The following GRIP1 variants were observed in gnomAD, a reference collection of about 807,000 sequenced individuals.
GRIP1 encodes glutamate receptor-interacting protein 1.
In GRIP1, 45 loss-of-function variants were observed where a neutral mutation model predicts 129.9. The ratio of observed to expected loss-of-function variants is 0.35; its 90% confidence interval spans 0.27 to 0.44. The LOEUF is 0.44. Ranked by LOEUF, GRIP1 falls within the 20% of genes least tolerant of loss-of-function variation. The pLI, the probability that GRIP1 is intolerant of heterozygous loss-of-function variation, is 1.00. For missense variants in GRIP1, 1,196 were observed against 1,396.8 expected (o/e 0.86, Z 2.29); for synonymous variants, 530 against 520.8 (o/e 1.02, Z -0.24).
intron 14 of GRIP1, among the ~76,000 whole-genome samples, chr12:66,428,535 T>C (rs1436865976): frequency 2.6e-5 from 4 of 152,088 alleles, no homozygotes; most frequent in African/African-American, 7.2e-5. Flanking sequence ...TGATATAGGA[T>C]ATAGGGAGTT....
intron 1 of GRIP1, among the ~76,000 whole-genome samples, chr12:66,979,240 A>C (rs796411741): frequency 3.4e-5 from 5 of 146,364 alleles, no homozygotes; most frequent in East Asian, 1.9e-4. Flanking sequence ...AAAAAAAAAA[A>C]AAAAAAAAAA....
intron 2 of GRIP1, among the ~76,000 whole-genome samples, chr12:66,555,888 A>G (rs1299794015): frequency 1.3e-5 from 2 of 151,654 alleles, no homozygotes; most frequent in Non-Finnish European, 2.9e-5. Context: ...AGAAAAAAGA[A>G]TGAAAAAGGA....
At chr12:66,774,085 G>A (rs1283892770) in intron 1 of GRIP1, among the ~76,000 whole-genome samples, 1 of 152,064 alleles carries the variant, frequency 6.6e-6, no homozygotes, top group South Asian at 2.1e-4. Flanking sequence ...ATTTGACAAT[G>A]AATTCAATGA....
intron 1 of GRIP1, among the ~76,000 whole-genome samples, chr12:67,044,181 A>AG (rs2043220023): frequency 6.6e-6 from 1 of 152,200 alleles, no homozygotes; most frequent in Admixed American, 6.5e-5. Flanking sequence ...GCTCATTCCC[A>AG]GGGGGATATA....
chr12:66,384,226 T>C (rs1287526260), intron 19 of GRIP1, among the ~76,000 whole-genome samples: 3 of 152,164 alleles, frequency 2.0e-5, no homozygotes, highest in African/African-American at 4.8e-5. Context: ...GGGTTGAGGG[T>C]AGGAAAATAA....
At chr12:66,626,599 TA>T (rs2030082147) in intron 1 of GRIP1, 1 of 152,246 alleles carries the variant, frequency 6.6e-6, no homozygotes, top group Admixed American at 6.5e-5. Context: ...TTTGCCCTGA[TA>T]AATGTGCTCT....
At chr12:66,946,202 C>T (rs144601466) in intron 1 of GRIP1, among the ~76,000 whole-genome samples, 11 of 152,186 alleles carry the variant, frequency 7.2e-5, no homozygotes, top group Non-Finnish European at 1.5e-4. Flanking sequence ...GCTCTTCTTT[C>T]CCCACTCCAC....
At chr12:66,977,627 C>T (rs2137604489) in intron 1 of GRIP1, among the ~76,000 whole-genome samples, 1 of 152,080 alleles carries the variant, frequency 6.6e-6, no homozygotes, top group Non-Finnish European at 1.5e-5. Context: ...TAGTTTTGCC[C>T]ATTTTTAAGT....
At chr12:66,469,641 A>G (rs1301086050) in intron 7 of GRIP1, among the ~76,000 whole-genome samples, 1 of 151,968 alleles carries the variant, frequency 6.6e-6, no homozygotes, top group Non-Finnish European at 1.5e-5. Context: ...AACTAACCAG[A>G]AAAAAAATGA....
intron 1 of GRIP1, among the ~76,000 whole-genome samples, chr12:66,973,372 T>C (rs900154068): frequency 1.6e-5 from 2 of 124,220 alleles, no homozygotes; most frequent in Non-Finnish European, 3.4e-5. Context: ...TTTTTCCTTT[T>C]TCATTCTTTT....
chr12:66,446,104 A>ACCCCGCCCC (rs2058621628), intron 11 of GRIP1, among the ~76,000 whole-genome samples: 6 of 63,482 alleles, frequency 9.5e-5, no homozygotes, highest in East Asian at 5.9e-4. Context: ...GCCGCCCCCC[A>ACCCCGCCCC]CCACCACCCC....
intron 2 of GRIP1, among the ~76,000 whole-genome samples, chr12:66,554,617 C>A (rs2062257625): frequency 6.6e-6 from 1 of 152,150 alleles, no homozygotes; most frequent in African/African-American, 2.4e-5. Flanking sequence ...GGCCTTGGCT[C>A]ATGAATGGCA....
chr12:66,784,351 A>G (rs1380198791), intron 1 of GRIP1, among the ~76,000 whole-genome samples: 1 of 152,212 alleles, frequency 6.6e-6, no homozygotes, highest in Admixed American at 6.5e-5. Flanking sequence ...TTATTTGCAC[A>G]GCACTGTACT....
intron 3 of GRIP1, among the ~76,000 whole-genome samples, chr12:66,540,665 A>C (rs1045168968): frequency 1.3e-5 from 2 of 152,262 alleles, no homozygotes. Context: ...TTAATCACAG[A>C]AATCACCACT....
intron 24 of GRIP1, among the ~76,000 whole-genome samples, chr12:66,349,514 G>T (rs908889582): frequency 6.6e-6 from 1 of 152,170 alleles, no homozygotes; most frequent in African/African-American, 2.4e-5. Context: ...CACAGTGGGG[G>T]TGCTGCAAGT....
At chr12:66,791,387 G>C (rs1048360285) in intron 1 of GRIP1, among the ~76,000 whole-genome samples, 3 of 152,116 alleles carry the variant, frequency 2.0e-5, no homozygotes, top group Admixed American at 1.3e-4. Flanking sequence ...AGTGGCTGGA[G>C]ATAAAGACAA....
intron 1 of GRIP1, among the ~76,000 whole-genome samples, chr12:66,787,868 G>A (rs2038403950): frequency 2.0e-5 from 3 of 152,140 alleles, no homozygotes; most frequent in Admixed American, 2.0e-4. Context: ...GGGACTTAAA[G>A]AGTGACAGAA....
At chr12:66,589,216 C>CTG (rs2139695467) in intron 2 of GRIP1, among the ~76,000 whole-genome samples, 1 of 145,988 alleles carries the variant, frequency 6.8e-6, no homozygotes, top group South Asian at 2.3e-4. Context: ...CTCTCTCTCT[C>CTG]TCTCTCTCTC....
chr12:66,364,716 C>T (rs780219225), intron 23 of GRIP1, among the ~76,000 whole-genome samples: 1 of 152,168 alleles, frequency 6.6e-6, no homozygotes, highest in African/African-American at 2.4e-5. Context: ...ATGGATCACT[C>T]CTTTCACATG....
Sources: gnomAD v4.1 joint callset for allele counts (sites outside exome capture counted in the v4.1 genomes callset) on GRCh38, gnomAD v4.1.1 for gene constraint, MANE v1.5 for transcripts, NCBI Gene and HGNC (gene_info 2026-07-23, HGNC 2026-07-21) for gene names.